HTR1F: variants seen among roughly 807,000 people sequenced by gnomAD.
The protein encoded by HTR1F is 5-hydroxytryptamine (serotonin) receptor 1F, G protein-coupled.
HTR1F carries 17 observed loss-of-function variants against 24.0 expected under a neutral mutation model. The observed-to-expected ratio is 0.71, with a 90% confidence interval of 0.48 to 1.06. HTR1F has a LOEUF of 1.06. HTR1F is among the 50% of genes least tolerant of loss of function. HTR1F has a pLI of 0.00. For missense variants in HTR1F, 391 were observed against 427.8 expected, an observed-to-expected ratio of 0.91 and a Z score of 0.76; for synonymous variants, 186 against 156.8, an observed-to-expected ratio of 1.19 and a Z score of -1.39.
At chr3:87,830,258 G>A (rs981150172) in intron 2 of HTR1F, among the ~76,000 whole-genome samples, 1 of 152,058 alleles carries the variant, frequency 6.6e-6, no homozygotes, top group African/African-American at 2.4e-5. Context: ...TCATTCTGGT[G>A]TAAAAGGTAG....
chr3:87,941,898 G>T (rs1471449502), intron 2 of HTR1F, among the ~76,000 whole-genome samples: 8 of 152,084 alleles, frequency 5.3e-5, no homozygotes, highest in Admixed American at 2.0e-4. Context: ...CCTAAAATTG[G>T]AGTATTGCAG....
intron 2 of HTR1F, among the ~76,000 whole-genome samples, chr3:87,938,421 G>C (rs1273970743): frequency 6.6e-6 from 1 of 152,090 alleles, no homozygotes; most frequent in Non-Finnish European, 1.5e-5. Context: ...CATTCTTCAT[G>C]GAACTAGAAG....
At chr3:87,911,960 C>A (rs1377213935) in intron 2 of HTR1F, among the ~76,000 whole-genome samples, 1 of 152,118 alleles carries the variant, frequency 6.6e-6, no homozygotes, top group Non-Finnish European at 1.5e-5. Flanking sequence ...CAGCCAACAT[C>A]ATACCGAATG....
At chr3:87,961,579 T>C (rs1239752989) in intron 2 of HTR1F, among the ~76,000 whole-genome samples, 1 of 151,910 alleles carries the variant, frequency 6.6e-6, no homozygotes, top group Non-Finnish European at 1.5e-5. Flanking sequence ...CTGGGCAACA[T>C]AGTGAGACCC....
At chr3:87,958,407 T>C (rs1704991872) in intron 2 of HTR1F, among the ~76,000 whole-genome samples, 1 of 151,630 alleles carries the variant, frequency 6.6e-6, no homozygotes, top group Non-Finnish European at 1.5e-5. Context: ...ACTGTCTGTC[T>C]CTCTTTAATT....
At chr3:87,863,007 G>A (rs1705349990) in intron 2 of HTR1F, among the ~76,000 whole-genome samples, 1 of 152,072 alleles carries the variant, frequency 6.6e-6, no homozygotes, top group South Asian at 2.1e-4. Flanking sequence ...AGTAGAGATG[G>A]GGTTTCACCA....
intron 1 of HTR1F, among the ~76,000 whole-genome samples, chr3:87,800,632 A>G (rs964575520): frequency 1.3e-5 from 2 of 152,186 alleles, no homozygotes; most frequent in African/African-American, 2.4e-5. Flanking sequence ...CTGTATCTTC[A>G]GACTGAATGA....
intron 2 of HTR1F, among the ~76,000 whole-genome samples, chr3:87,977,834 G>A (rs1433540577): frequency 6.6e-6 from 1 of 151,956 alleles, no homozygotes; most frequent in Non-Finnish European, 1.5e-5. Flanking sequence ...GATCCTTAAG[G>A]TGTCACTTTT....
chr3:87,874,091 G>C (rs1304820228), intron 2 of HTR1F, among the ~76,000 whole-genome samples: 2 of 152,016 alleles, frequency 1.3e-5, no homozygotes, highest in Admixed American at 1.3e-4. Flanking sequence ...CCACTTTCAT[G>C]ACTTCTATTC....
intron 2 of HTR1F, among the ~76,000 whole-genome samples, chr3:87,977,264 C>T (rs1396866472): frequency 6.6e-6 from 1 of 152,124 alleles, no homozygotes; most frequent in Non-Finnish European, 1.5e-5. Context: ...TAGCCCTATA[C>T]TCCAGATGAC....
At position 87,963,115 on chromosome 3, in the gene HTR1F, G is replaced by A. The variant is rs1256625419; in HGVS notation, c.-42-27593G>A. 3.3e-5 allele frequency among the ~76,000 whole-genome samples: 5 copies of A among 152,028 alleles called. No homozygotes were observed. The East Asian group carries it at 9.7e-4, about 29-fold the overall frequency. ...ATACATGGAAAATTAATGGTCTTGG[G>A]CAAGGGTTAGTGACATTTTTAACCT... is the stretch of plus-strand genomic sequence containing the variant. On this transcript the variant is annotated intron_variant, in intron 2 of 2. Transcript: ENST00000319595.
chr3:87,932,856 G>C (rs1576051133), intron 2 of HTR1F, among the ~76,000 whole-genome samples: 1 of 151,642 alleles, frequency 6.6e-6, no homozygotes, highest in Non-Finnish European at 1.5e-5. Context: ...CATTTTATGA[G>C]GCCAGCATCA....
intron 2 of HTR1F, among the ~76,000 whole-genome samples, chr3:87,949,373 T>C (rs115990889): frequency 1.0e-3 from 154 of 152,324 alleles, no homozygotes; most frequent in African/African-American, 3.5e-3. Context: ...AAAAGGTCTT[T>C]GTAAGGTATA....
At chr3:87,952,948 T>C (rs13326965) in intron 2 of HTR1F, among the ~76,000 whole-genome samples, 66,515 of 151,450 alleles carry the variant, frequency 0.44, 15,619 homozygotes, top group African/African-American at 0.61. Flanking sequence ...GTATGTTTTT[T>C]ATCAAAATAA....
intron 2 of HTR1F, among the ~76,000 whole-genome samples, chr3:87,981,216 A>G (rs1705536415): frequency 6.6e-6 from 1 of 151,962 alleles, no homozygotes; most frequent in African/African-American, 2.4e-5. Context: ...TTTTTTGGAG[A>G]TGGAGTCTTA....
At chr3:87,846,986 T>C (rs1224484064) in intron 2 of HTR1F, among the ~76,000 whole-genome samples, 1 of 151,662 alleles carries the variant, frequency 6.6e-6, no homozygotes, top group African/African-American at 2.4e-5. Context: ...TGTAGATAAA[T>C]ATATTATTGC....
At chr3:87,988,397 T>TC (rs1705725680) in intron 2 of HTR1F, among the ~76,000 whole-genome samples, 1 of 152,118 alleles carries the variant, frequency 6.6e-6, no homozygotes, top group Non-Finnish European at 1.5e-5. Context: ...AGAAAGGTAT[T>TC]CAAATTTCTT....
chr3:87,923,145 TA>T (rs1303315126), intron 2 of HTR1F, among the ~76,000 whole-genome samples: 1 of 151,984 alleles, frequency 6.6e-6, no homozygotes, highest in Non-Finnish European at 1.5e-5. Context: ...ATGTTGGTGC[TA>T]TGTTGTTTTG....
intron 2 of HTR1F, among the ~76,000 whole-genome samples, chr3:87,865,036 T>A (rs1239407252): frequency 2.0e-5 from 3 of 152,172 alleles, no homozygotes; most frequent in Non-Finnish European, 4.4e-5. Flanking sequence ...CTTCAGGAAG[T>A]TTTGTCTTTC....
Sources: gnomAD v4.1 joint callset for allele counts (sites outside exome capture counted in the v4.1 genomes callset) on GRCh38, gnomAD v4.1.1 for gene constraint, MANE v1.5 for transcripts, NCBI Gene and HGNC (gene_info 2026-07-23, HGNC 2026-07-21) for gene names.